SGCZ: variants seen among roughly 807,000 people sequenced by gnomAD.
SGCZ encodes zeta-sarcoglycan.
A neutral mutation model predicts 41.3 loss-of-function variants in SGCZ; 40 were observed. The ratio of observed to expected loss-of-function variants is 0.97; its 90% CI spans 0.75 to 1.26. The LOEUF (loss-of-function observed/expected upper bound fraction) is 1.26. Ranked by LOEUF, SGCZ falls within the 50% of genes most tolerant of loss-of-function variation. SGCZ has a pLI of 0.00. For missense variants in SGCZ, 552 were observed against 369.8 expected, an observed-to-expected ratio of 1.49 and a Z score of -4.04; for synonymous variants, 206 against 137.5, an observed-to-expected ratio of 1.50 and a Z score of -3.49.
chr8:14,322,323 G>A (rs1044407413), intron 3 of SGCZ, among the ~76,000 whole-genome samples: 24 of 151,986 alleles, frequency 1.6e-4, no homozygotes, highest in Admixed American at 1.5e-3. Flanking sequence ...ATGAAGCGGA[G>A]CATATATTCT....
chr8:15,191,988 A>G (rs1011387868), intron 1 of SGCZ, among the ~76,000 whole-genome samples: 2 of 152,084 alleles, frequency 1.3e-5, no homozygotes, highest in Non-Finnish European at 2.9e-5. Flanking sequence ...TAAAAATTGC[A>G]TAAAAGTAGT....
At chr8:14,556,117 T>C (rs1804027917) in intron 1 of SGCZ, among the ~76,000 whole-genome samples, 1 of 151,840 alleles carries the variant, frequency 6.6e-6, no homozygotes, top group Non-Finnish European at 1.5e-5. Context: ...AGTAAAACAA[T>C]ATGAATAAGC....
At chr8:14,772,109 T>G (rs925607935) in intron 1 of SGCZ, among the ~76,000 whole-genome samples, 1 of 152,258 alleles carries the variant, frequency 6.6e-6, no homozygotes, top group Non-Finnish European at 1.5e-5. Flanking sequence ...ATAAGTTACC[T>G]GAAACATTCA....
At chr8:14,442,617 A>G (rs1444123315) in intron 2 of SGCZ, among the ~76,000 whole-genome samples, 1 of 152,152 alleles carries the variant, frequency 6.6e-6, no homozygotes, top group Non-Finnish European at 1.5e-5. Context: ...AATTATGCTA[A>G]TGGTCCCTTA....
chr8:14,235,692 T>A (rs1350505338), intron 4 of SGCZ, among the ~76,000 whole-genome samples: 1 of 152,168 alleles, frequency 6.6e-6, no homozygotes, highest in East Asian at 1.9e-4. Context: ...GCACTTAATT[T>A]ACGTTTTTTT....
rs942808027 is a variant in SGCZ, at chr8:15,086,141, G to C, written c.39+151444C>G. Among the ~76,000 whole-genome samples, 5 of 152,096 alleles carry C rather than the reference G, an allele frequency of 3.3e-5. No homozygotes were observed. In the East Asian group the frequency reaches 9.6e-4, roughly 29 times the overall value. On this transcript the variant is annotated intron_variant, in intron 1 of 7. Transcript: ENST00000382080. ...TAAAGAATACTATTTAACAAGAGTG[G>C]TAAATTTAAAAGGGCACATTCTAAC...
chr8:14,377,073 G>T (rs1804159140), intron 2 of SGCZ, among the ~76,000 whole-genome samples: 1 of 152,062 alleles, frequency 6.6e-6, no homozygotes, highest in African/African-American at 2.4e-5. Flanking sequence ...CTCTTGATGG[G>T]CCCCTATATA....
chr8:14,107,538 T>A (rs1802244398), intron 6 of SGCZ, among the ~76,000 whole-genome samples: 1 of 152,222 alleles, frequency 6.6e-6, no homozygotes, highest in Admixed American at 6.5e-5. Flanking sequence ...CATTTATAGC[T>A]TTCTCAGCGC....
chr8:14,704,803 C>A (rs989022714), intron 1 of SGCZ, among the ~76,000 whole-genome samples: 1 of 151,822 alleles, frequency 6.6e-6, no homozygotes, highest in African/African-American at 2.4e-5. Context: ...AAAAAACAAA[C>A]AACAACAACA....
intron 1 of SGCZ, among the ~76,000 whole-genome samples, chr8:14,645,009 G>T (rs1355986355): frequency 6.6e-6 from 1 of 150,908 alleles, no homozygotes; most frequent in African/African-American, 2.4e-5. Context: ...CTATCTGCAG[G>T]TGGTCTCAGG....
chr8:15,098,772 C>A (rs1158536996), intron 1 of SGCZ, among the ~76,000 whole-genome samples: 1 of 151,998 alleles, frequency 6.6e-6, no homozygotes, highest in East Asian at 1.9e-4. Context: ...AAAAGTAGTG[C>A]CTCAGTTCGG....
intron 2 of SGCZ, among the ~76,000 whole-genome samples, chr8:14,405,287 T>C (rs567250942): frequency 6.6e-6 from 1 of 152,366 alleles, no homozygotes; most frequent in African/African-American, 2.4e-5. Flanking sequence ...AGTTAAGCTT[T>C]ATATGTTATT....
intron 1 of SGCZ, among the ~76,000 whole-genome samples, chr8:14,880,565 G>A (rs563236004): frequency 4.6e-4 from 70 of 152,226 alleles, no homozygotes; most frequent in African/African-American, 1.5e-3. Context: ...AATGTCCAAT[G>A]ATGATAGACT....
At chr8:14,109,745 A>T (rs533838662) in intron 5 of SGCZ, among the ~76,000 whole-genome samples, 1 of 152,316 alleles carries the variant, frequency 6.6e-6, no homozygotes, top group South Asian at 2.1e-4. Flanking sequence ...CCTTTGCATA[A>T]TATAGCAATA....
intron 1 of SGCZ, among the ~76,000 whole-genome samples, chr8:15,155,672 T>G (rs934337281): frequency 3.9e-5 from 6 of 152,202 alleles, no homozygotes; most frequent in African/African-American, 1.4e-4. Flanking sequence ...CTATTAAATA[T>G]ATTTATGATA....
chr8:14,267,766 A>T (rs1389314025), intron 3 of SGCZ, among the ~76,000 whole-genome samples: 1 of 152,046 alleles, frequency 6.6e-6, no homozygotes, highest in Non-Finnish European at 1.5e-5. Context: ...TTGATCTAAA[A>T]TGCTTTCATT....
intron 2 of SGCZ, among the ~76,000 whole-genome samples, chr8:14,367,847 C>A (rs1193178459): frequency 6.6e-6 from 1 of 152,000 alleles, no homozygotes; most frequent in Non-Finnish European, 1.5e-5. Context: ...CCTTAGCATG[C>A]TTATTATTTT....
chr8:14,153,332 A>G (rs989168800), intron 5 of SGCZ, among the ~76,000 whole-genome samples: 38 of 152,190 alleles, frequency 2.5e-4, no homozygotes, highest in African/African-American at 9.2e-4. Context: ...CTGTAAGCCT[A>G]TTCAAAACTT....
At chr8:14,337,775 G>C (rs967226961) in intron 2 of SGCZ, among the ~76,000 whole-genome samples, 2 of 152,054 alleles carry the variant, frequency 1.3e-5, no homozygotes, top group African/African-American at 4.8e-5. Context: ...GAAGTCCAGT[G>C]GTACCTCCCC....
Sources: allele counts gnomAD v4.1 joint callset (sites outside exome capture counted in the v4.1 genomes callset), GRCh38; gene constraint gnomAD v4.1.1; transcripts MANE v1.5; gene names NCBI Gene and HGNC (gene_info 2026-07-23, HGNC 2026-07-21).